SLC4A10: variants seen among roughly 807,000 people sequenced by gnomAD.
The protein encoded by SLC4A10 is solute carrier family 4 member 10.
Under a neutral mutation model 137.7 loss-of-function variants are expected in SLC4A10, and 42 were observed. That is an observed-to-expected ratio of 0.30 (90% CI 0.24 to 0.39). SLC4A10 has a LOEUF of 0.39. Ranked by LOEUF, SLC4A10 falls within the 10% of genes least tolerant of loss-of-function variation. The pLI, the probability that SLC4A10 is intolerant of heterozygous loss-of-function variation, is 1.00. For missense variants in SLC4A10, 925 were observed against 1,355.0 expected (o/e 0.68, Z 4.98); for synonymous variants, 474 against 464.1 (o/e 1.02, Z -0.27).
At chr2:161,844,753 G>A (rs2059392306) in intron 4 of SLC4A10, among the ~76,000 whole-genome samples, 1 of 152,046 alleles carries the variant, frequency 6.6e-6, no homozygotes, top group South Asian at 2.1e-4. Context: ...GTATTGTAGA[G>A]GAGATTATAA....
intron 17 of SLC4A10, among the ~76,000 whole-genome samples, chr2:161,948,903 C>T (rs1046455309): frequency 7.2e-5 from 11 of 151,984 alleles, no homozygotes; most frequent in African/African-American, 2.2e-4. Context: ...AGCACAACCA[C>T]GATGTAGCTA....
chr2:161,790,444 G>A (rs1278831422), intron 2 of SLC4A10, among the ~76,000 whole-genome samples: 1 of 151,982 alleles, frequency 6.6e-6, no homozygotes, highest in Non-Finnish European at 1.5e-5. Context: ...ATTAATTTTT[G>A]TGCAACTTAG....
rs140493003 is a variant in SLC4A10, at chr2:161,790,474, A to G, written c.131-13975A>G. On this transcript the variant is annotated intron_variant, in intron 2 of 26. Coordinates refer to ENST00000446997, the MANE Select transcript of SLC4A10 (RefSeq NM_001178015.2). ...ACTTAGTAGTGTTGATATAGGATCA[A>G]TGTCAACTGGTGGAGCAATTCTAAG... Among the ~76,000 whole-genome samples the G allele has an allele frequency of 3.5e-4, 54 of 152,294 alleles. No homozygotes were observed. The East Asian group carries it at 9.8e-3, about 28-fold the overall frequency.
At chr2:161,791,169 G>A (rs951719106) in intron 2 of SLC4A10, among the ~76,000 whole-genome samples, 3 of 152,022 alleles carry the variant, frequency 2.0e-5, no homozygotes, top group African/African-American at 4.8e-5. Context: ...ATGCACGCAC[G>A]TGTTCATTGT....
At chr2:161,739,783 T>G (rs1189039949) in intron 1 of SLC4A10, among the ~76,000 whole-genome samples, 1 of 152,196 alleles carries the variant, frequency 6.6e-6, no homozygotes, top group Non-Finnish European at 1.5e-5. Context: ...AGGAACATAC[T>G]TGGATTGAGC....
intron 18 of SLC4A10, among the ~76,000 whole-genome samples, chr2:161,949,502 G>T (rs959771427): frequency 5.9e-5 from 9 of 151,680 alleles, no homozygotes; most frequent in Non-Finnish European, 1.3e-4. Flanking sequence ...TGTCAATTCT[G>T]CCAGTTGAAA....
intron 1 of SLC4A10, among the ~76,000 whole-genome samples, chr2:161,753,202 ACT>A (rs1304054645): frequency 1.3e-5 from 2 of 152,084 alleles, no homozygotes; most frequent in Admixed American, 1.3e-4. Flanking sequence ...ATGCAGATAT[ACT>A]CTCTCTTTTC....
chr2:161,949,975 C>A (rs1425767175), intron 18 of SLC4A10, among the ~76,000 whole-genome samples: 12 of 151,662 alleles, frequency 7.9e-5, no homozygotes, highest in Non-Finnish European at 1.5e-5. Flanking sequence ...ATTAGGGGCA[C>A]CCCTTTGTTT....
intron 4 of SLC4A10, among the ~76,000 whole-genome samples, chr2:161,851,175 T>G (rs765854811): frequency 6.6e-6 from 1 of 152,202 alleles, no homozygotes; most frequent in Non-Finnish European, 1.5e-5. Flanking sequence ...ATGAAAAGAA[T>G]GTATATTCTG....
At chr2:161,807,394 A>G (rs1478615176) in intron 3 of SLC4A10, among the ~76,000 whole-genome samples, 3 of 152,120 alleles carry the variant, frequency 2.0e-5, no homozygotes, top group Non-Finnish European at 4.4e-5. Context: ...CCTGGCTCTC[A>G]GTTCCTTGAC....
intron 20 of SLC4A10, among the ~76,000 whole-genome samples, chr2:161,958,093 G>A (rs1695982333): frequency 7.8e-6 from 1 of 127,730 alleles, no homozygotes; most frequent in Admixed American, 8.5e-5. Flanking sequence ...CTAAATGTTA[G>A]CTTCATTTTT....
chr2:161,671,814 C>T (rs753418174), intron 1 of SLC4A10, among the ~76,000 whole-genome samples: 3 of 152,122 alleles, frequency 2.0e-5, no homozygotes, highest in Non-Finnish European at 2.9e-5. Context: ...CTAGAGGAGA[C>T]AGATAGATGA....
At chr2:161,690,100 A>G (rs558783941) in intron 1 of SLC4A10, among the ~76,000 whole-genome samples, 38 of 152,354 alleles carry the variant, frequency 2.5e-4, no homozygotes, top group African/African-American at 8.4e-4. Flanking sequence ...AAACAAATTT[A>G]TAAGGAAAAA....
rs1683027066 is a variant in SLC4A10 at position 161,901,167 on chromosome 2, C to T, written c.1442+156C>T. The T allele has an allele frequency of 2.4e-5, 15 of 631,778 alleles. No homozygotes were observed. In the South Asian group the frequency reaches 2.8e-4, roughly 12 times the overall value. 39.1% of individuals were successfully genotyped at this position (631,778 alleles called of 1,614,324 possible). ...AATTAGTTTGATTTCTCTGAAGTTA[C>T]TAATGATTGTCATTACTGTTAAACT... On this transcript the variant is annotated intron_variant, in intron 12 of 26. Transcript: ENST00000446997.
At chr2:161,624,755 C>A (rs1331605225) in intron 1 of SLC4A10, among the ~76,000 whole-genome samples, 189 bp downstream of exon 1, 2 of 151,938 alleles carry the variant, frequency 1.3e-5, no homozygotes, top group Non-Finnish European at 2.9e-5. Context: ...ATTCTCCTCC[C>A]CCCCCCTTCT....
At chr2:161,791,252 G>A (rs1029664836) in intron 2 of SLC4A10, among the ~76,000 whole-genome samples, 2 of 152,138 alleles carry the variant, frequency 1.3e-5, no homozygotes, top group Non-Finnish European at 2.9e-5. Context: ...TAAAGAAAAT[G>A]TTGCACATGT....
At chr2:161,953,807 G>T (rs1345465981) in intron 19 of SLC4A10, among the ~76,000 whole-genome samples, 1 of 152,040 alleles carries the variant, frequency 6.6e-6, no homozygotes, top group Non-Finnish European at 1.5e-5. Context: ...AGAATGTGAA[G>T]TATCATGTAT....
At chr2:161,938,722 G>A (rs1243838851) in intron 15 of SLC4A10, among the ~76,000 whole-genome samples, 3 of 149,680 alleles carry the variant, frequency 2.0e-5, no homozygotes, top group African/African-American at 2.4e-5. Context: ...AAAAAAAAAA[G>A]AGAGACAAAG....
intron 3 of SLC4A10, among the ~76,000 whole-genome samples, chr2:161,816,241 AG>A (rs902880353): frequency 6.6e-6 from 1 of 152,182 alleles, no homozygotes; most frequent in African/African-American, 2.4e-5. Context: ...AGCATTCCAA[AG>A]AAAATATTTT....
Sources: gnomAD v4.1 joint callset for allele counts (sites outside exome capture counted in the v4.1 genomes callset) on GRCh38, gnomAD v4.1.1 for gene constraint, MANE v1.5 for transcripts, NCBI Gene and HGNC (gene_info 2026-07-23, HGNC 2026-07-21) for gene names.